DPEP1: variants seen among roughly 807,000 people sequenced by gnomAD.
The protein encoded by DPEP1 is beta-lactamase.
A neutral mutation model predicts 42.3 loss-of-function variants in DPEP1; 50 were observed. That is an observed-to-expected ratio of 1.18 (90% CI 0.94 to 1.50). The LOEUF is 1.50. Ranked by LOEUF, DPEP1 falls within the 40% of genes most tolerant of loss-of-function variation. The pLI, the probability that DPEP1 is intolerant of heterozygous loss-of-function variation, is 0.00. For synonymous variants in DPEP1, 297 were observed against 234.0 expected (o/e 1.27, Z -2.46); for missense variants, 663 against 553.0 (o/e 1.20, Z -1.99).
Position 89,638,036 on chromosome 16 carries a change from G to T in DPEP1, c.1066-16G>T, listed in dbSNP as rs750628619. The T allele has an allele frequency of 1.9e-6, 3 of 1,611,498 alleles. No individual in the cohort carries two copies. The highest frequency in any genetic ancestry group is 1.7e-4 in the Middle Eastern group (1 of 6,054). On this transcript the variant is annotated splice_polypyrimidine_tract_variant and intron_variant, in intron 10 of 10. Coordinates refer to ENST00000690203, the MANE Select transcript of DPEP1 (RefSeq NM_001389466.1). ...CCAGCAGGCAGGCTGCCCCACCCGT[G>T]TCTGTCTGTCCCCAGGCCAGCAACC...
chr16:89,637,805 G>T, intron 9 of DPEP1, 31 bp from the exon 10 acceptor site: 3 of 1,612,622 alleles, frequency 1.9e-6, no homozygotes, highest in Non-Finnish European at 2.5e-6. Context: ...GTCCTAGTGT[G>T]GGGGCCCAGG....
intron 1 of DPEP1, among the ~76,000 whole-genome samples, chr16:89,624,946 G>A (rs2059489526): frequency 6.6e-6 from 1 of 152,204 alleles, no homozygotes; most frequent in African/African-American, 2.4e-5. Flanking sequence ...GCAGATGAAA[G>A]GGTGGCCCGC....
intron 1 of DPEP1, among the ~76,000 whole-genome samples, chr16:89,618,007 G>C (rs955594068): frequency 6.6e-6 from 1 of 152,130 alleles, no homozygotes; most frequent in African/African-American, 2.4e-5. Flanking sequence ...CTGGGCGACA[G>C]AGCGAGACTC....
At chr16:89,636,121 C>T (rs1464032470) in intron 3 of DPEP1, 81 bp downstream of exon 3, 1 of 1,551,876 alleles carries the variant, frequency 6.4e-7, no homozygotes, top group Admixed American at 1.9e-5. Context: ...GTGGGACCAT[C>T]CCTGTGGTGT....
chr16:89,641,242 A>T (rs2059740764), downstream of DPEP1, among the ~76,000 whole-genome samples: 1 of 151,890 alleles, frequency 6.6e-6, no homozygotes, highest in Non-Finnish European at 1.5e-5. Context: ...GACTGATGTC[A>T]GATCTTCCAC....
intron 2 of DPEP1, 60 bp from the exon 3 acceptor site, chr16:89,635,848 G>A (rs1437967384): frequency 1.2e-5 from 18 of 1,524,618 alleles, no homozygotes; most frequent in South Asian, 1.0e-4. Context: ...CCAGGAGCTC[G>A]GAAGCCCCCA....
intron 1 of DPEP1, among the ~76,000 whole-genome samples, chr16:89,618,516 C>A (rs2059404761): frequency 6.6e-6 from 1 of 152,150 alleles, no homozygotes; most frequent in Admixed American, 6.5e-5. Context: ...CCAGGTCTGG[C>A]CTACATTATT....
At chr16:89,614,568 G>T (rs2059362957) in intron 1 of DPEP1, among the ~76,000 whole-genome samples, 1 of 152,230 alleles carries the variant, frequency 6.6e-6, no homozygotes, top group African/African-American at 2.4e-5. Context: ...GCCGAGGTGG[G>T]CAGATCATGA....
At chr16:89,624,213 C>T (rs1160397221) in intron 1 of DPEP1, among the ~76,000 whole-genome samples, 5 of 152,032 alleles carry the variant, frequency 3.3e-5, no homozygotes, top group East Asian at 3.9e-4. Flanking sequence ...AAGAAATCCC[C>T]GAGGCTGGGT....
chr16:89,623,015 C>T (rs924088984), intron 1 of DPEP1, among the ~76,000 whole-genome samples: 2 of 152,050 alleles, frequency 1.3e-5, no homozygotes, highest in Non-Finnish European at 2.9e-5. Context: ...ACGCTGAGGT[C>T]GGGGTTTGTT....
chr16:89,635,857 C>G, intron 2 of DPEP1, 51 bp from the exon 3 acceptor site: 1 of 1,547,152 alleles, frequency 6.5e-7, no homozygotes, highest in Non-Finnish European at 8.7e-7. Context: ...CGGAAGCCCC[C>G]AGGTCCCAGT....
intron 1 of DPEP1, among the ~76,000 whole-genome samples, chr16:89,625,172 T>G (rs536380460): frequency 1.1e-4 from 17 of 152,162 alleles, no homozygotes; most frequent in Middle Eastern, 6.8e-3. Flanking sequence ...CTGACCTTGG[T>G]GTTTTCTCTT....
At chr16:89,627,208 G>A (rs540609730) in intron 1 of DPEP1, among the ~76,000 whole-genome samples, 1 of 149,172 alleles carries the variant, frequency 6.7e-6, no homozygotes, top group African/African-American at 2.5e-5. Flanking sequence ...GGGAGGCAGA[G>A]CTTGCAGTGA....
Position 89,638,135 on chromosome 16 carries a change from C to G in DPEP1, c.1149C>G (p.Tyr383Ter). 6.2e-7 allele frequency: 1 copy of G among 1,610,710 alleles called. No homozygotes were observed. Among genetic ancestry groups the G allele is most frequent in the Non-Finnish European group, 8.5e-7 (1 of 1,179,478 alleles). Reference protein sequence around the residue: ...LGGSCRTHYGYSSGASSLHRH... With the variant: ...LGGSCRTHYG ...GCTCCTGCAGGACCCATTACGGCTA[C>G]TCCTCTGGGGCTTCCAGCCTCCATC... The change falls in exon 11 of 11, where the codon TAC (tyrosine) becomes TAG (stop). Residue 383 changes from tyrosine (Y) to a stop codon, truncating the protein, a stop_gained. Transcript: ENST00000690203. LOFTEE classifies it low-confidence loss of function (END_TRUNC).
rs2059578789 is a variant in DPEP1 at position 89,630,849 on chromosome 16, C to A, written c.104+335C>A. Among the ~76,000 whole-genome samples, 5 of 151,838 alleles carry A rather than the reference C, an allele frequency of 3.3e-5. No homozygotes were observed. In the South Asian group the frequency reaches 1.0e-3, roughly 31 times the overall value. The stretch of plus-strand genomic sequence containing the variant: ...TCTCTGGGGGTGAGACTCGTGTGCC[C>A]TTGGGTTGGGGCTCAGTTTCAGCTT... On this transcript the variant is annotated intron_variant, in intron 2 of 10. Transcript: ENST00000690203.
intron 1 of DPEP1, among the ~76,000 whole-genome samples, chr16:89,625,459 C>T (rs1343757242): frequency 2.0e-5 from 3 of 152,210 alleles, no homozygotes; most frequent in African/African-American, 7.2e-5. Context: ...AACTGGGATC[C>T]AGTTTCCACG....
At chr16:89,617,566 G>T (rs1034114923) in intron 1 of DPEP1, among the ~76,000 whole-genome samples, 4 of 152,210 alleles carry the variant, frequency 2.6e-5, no homozygotes, top group African/African-American at 9.7e-5. Flanking sequence ...GCTGGAAGGC[G>T]GCCGGGCGCG....
rs557429496 is a variant in DPEP1, at chr16:89,635,944, C to A, written c.141C>A (p.Phe47Leu). 1.9e-6 allele frequency: 3 copies of A among 1,611,404 alleles called. No homozygotes were observed. The highest frequency in any genetic ancestry group is 4.5e-5 in the East Asian group (2 of 44,880). ...TCCCCTGGCAGCTGCTGGATATGTT[C>A]AACAACCGGCTGCAGGACGAGAGGG... ...NDLPWQLLDM[F>L]NNRLQDERAN... is the part of the protein sequence containing the mutation. Residue 47 changes from phenylalanine to leucine, a missense_variant, in exon 3 of 11, where the codon TTC becomes TTA. Physicochemically the swap from Phe to Leu is conservative, Grantham distance 22. Transcript: ENST00000690203.
rs2059710650 is a variant in DPEP1, at chr16:89,638,217, C to T, written c.1231C>T (p.Leu411=). The T allele has an allele frequency of 6.4e-7, 1 of 1,555,176 alleles. No homozygotes were observed. Among genetic ancestry groups the T allele is most frequent in the African/African-American group, 1.4e-5 (1 of 73,300 alleles). The part of the protein sequence containing the change: ...LAPLVLCLSL[L] ...TCCCCTGGTCCTCTGTCTGTCTCTC[C>T]TGTGAAACCTGGGAGACCAGAGTCC... The change falls in exon 11 of 11, where the codon CTG becomes TTG. Residue 411 remains leucine (L), a synonymous_variant. Coordinates refer to ENST00000690203, the MANE Select transcript of DPEP1 (RefSeq NM_001389466.1).
Sources: allele counts gnomAD v4.1 joint callset (sites outside exome capture counted in the v4.1 genomes callset), GRCh38; gene constraint gnomAD v4.1.1; transcripts MANE v1.5; gene names NCBI Gene and HGNC (gene_info 2026-07-23, HGNC 2026-07-21).